SLCO3A1: variants seen among roughly 807,000 people sequenced by gnomAD.
The protein encoded by SLCO3A1 is solute carrier organic anion transporter family member 3A1.
Under a neutral mutation model 63.1 loss-of-function variants are expected in SLCO3A1, and 27 were observed. The ratio of observed to expected loss-of-function variants is 0.43; its 90% CI spans 0.32 to 0.59. The LOEUF is 0.59. Among genes scored for constraint, SLCO3A1 ranks in the 20% least tolerant of loss-of-function variants. SLCO3A1 has a pLI of 0.09. For missense variants in SLCO3A1, 773 were observed against 945.8 expected (o/e 0.82, Z 2.40); for synonymous variants, 473 against 409.9 (o/e 1.15, Z -1.86).
intron 2 of SLCO3A1, among the ~76,000 whole-genome samples, chr15:91,999,433 A>G (rs1326237743): frequency 1.3e-5 from 2 of 152,254 alleles, no homozygotes; most frequent in Non-Finnish European, 2.9e-5. Flanking sequence ...AAATGGGTAT[A>G]AAATAGGAAG....
chr15:92,080,845 G>C (rs1001660604), intron 2 of SLCO3A1, among the ~76,000 whole-genome samples: 1 of 152,096 alleles, frequency 6.6e-6, no homozygotes. Flanking sequence ...ATATCAAATT[G>C]TGTCCATATT....
chr15:91,896,744 T>C (rs888151175), intron 1 of SLCO3A1, among the ~76,000 whole-genome samples: 9 of 152,222 alleles, frequency 5.9e-5, no homozygotes, highest in Non-Finnish European at 1.3e-4. Context: ...GTCTCAGGTA[T>C]GTCTTTATTA....
intron 2 of SLCO3A1, among the ~76,000 whole-genome samples, chr15:91,921,047 G>A (rs1387490725): frequency 6.6e-6 from 1 of 152,216 alleles, no homozygotes; most frequent in East Asian, 1.9e-4. Flanking sequence ...GCTGCCCTAA[G>A]CAAACACCAC....
intron 1 of SLCO3A1, among the ~76,000 whole-genome samples, chr15:91,898,094 G>T (rs940818675): frequency 1.3e-5 from 2 of 152,168 alleles, no homozygotes; most frequent in African/African-American, 4.8e-5. Flanking sequence ...ATAGGGCTCT[G>T]TCATTTCTGG....
At chr15:91,919,634 G>T (rs1196556387) in intron 2 of SLCO3A1, among the ~76,000 whole-genome samples, 2 of 152,160 alleles carry the variant, frequency 1.3e-5, no homozygotes, top group Non-Finnish European at 2.9e-5. Flanking sequence ...TCTTCCATTA[G>T]CCCAGTTTTC....
At chr15:92,144,242 C>G (rs1376697837) in intron 7 of SLCO3A1, among the ~76,000 whole-genome samples, 3 of 152,174 alleles carry the variant, frequency 2.0e-5, no homozygotes, top group South Asian at 2.1e-4. Flanking sequence ...TTTAGAAACA[C>G]ATATACATGA....
In SLCO3A1 at chr15:91,995,733, G is replaced by GAAAAA. The variant is rs34688452; in HGVS notation, c.646+79290_646+79294dup. On this transcript the variant is annotated intron_variant, in intron 2 of 9. Transcript: ENST00000318445. ...TATACATACCTTGAAAGATTTTCTTGAAAAAAAAAAAAAAAAAAACTTGTA... is the reference window on the plus strand; with the variant it reads ...TATACATACCTTGAAAGATTTTCTTGAAAAAAAAAAAAAAAAAAAAAAAACTTGTA... Among the ~76,000 whole-genome samples the GAAAAA allele has an allele frequency of 4.3e-4, 34 of 79,762 alleles. 2 individuals carry two copies. The highest frequency in any genetic ancestry group is 6.5e-4 in the Non-Finnish European group (26 of 40,198). The allele number at this position is 79,762 out of a possible 152,430, so 52.3% of individuals were successfully genotyped here.
At chr15:92,023,978 T>C (rs909143293) in intron 2 of SLCO3A1, among the ~76,000 whole-genome samples, 16 of 152,216 alleles carry the variant, frequency 1.1e-4, no homozygotes, top group African/African-American at 3.1e-4. Context: ...TGGTGTCATA[T>C]CCAGAGCCAA....
At chr15:92,081,480 C>T (rs1449256911) in intron 2 of SLCO3A1, among the ~76,000 whole-genome samples, 1 of 152,102 alleles carries the variant, frequency 6.6e-6, no homozygotes, top group Non-Finnish European at 1.5e-5. Flanking sequence ...GGCAATTCTC[C>T]CTGCTTCAGC....
chr15:91,965,086 T>A (rs1900608870), intron 2 of SLCO3A1, among the ~76,000 whole-genome samples: 1 of 151,998 alleles, frequency 6.6e-6, no homozygotes, highest in African/African-American at 2.4e-5. Flanking sequence ...GAGAGGGGGC[T>A]GTGGGGATAC....
intron 2 of SLCO3A1, among the ~76,000 whole-genome samples, chr15:91,993,131 A>C (rs1044347010): frequency 3.3e-5 from 5 of 152,168 alleles, no homozygotes; most frequent in African/African-American, 1.2e-4. Flanking sequence ...TGATTGGGAG[A>C]AGAGGAAGCA....
chr15:92,143,428 A>ATATG lies in SLCO3A1; in HGVS notation c.1513-3554_1513-3553insTGTA. ...TATATAATATATATATTATATATAT[A>ATATG]TAATATATATAATATATATATAATA... On this transcript the variant is annotated intron_variant, in intron 7 of 9. Transcript: ENST00000318445. 4.1e-4 allele frequency among the ~76,000 whole-genome samples: 3 copies of ATATG among 7,368 alleles called. 1 individual carries two copies. The African/African-American group carries it at 5.2e-3, about 13-fold the overall frequency. The allele number at this position is 7,368 out of a possible 152,430, so 4.8% of individuals were successfully genotyped here. A position where few individuals can be genotyped will look rare whatever the true frequency, so the allele number is the denominator to read the frequency against.
chr15:91,900,303 G>A lies in SLCO3A1; in HGVS notation c.181-15690G>A, dbSNP rs1898119184. Among the ~76,000 whole-genome samples, 2 of 152,126 alleles carry A rather than the reference G, an allele frequency of 1.3e-5. No individual in the cohort carries two copies. The highest frequency in any genetic ancestry group is 4.1e-4 in the South Asian group (2 of 4,832). Reference sequence around the variant, plus strand: ...AGTGTTCCAGTTTCCTCAGATGGACGTGAATACTTTGTATTGTCTGTTCGT... The same window carrying A: ...AGTGTTCCAGTTTCCTCAGATGGACATGAATACTTTGTATTGTCTGTTCGT... On this transcript the variant is annotated intron_variant, in intron 1 of 9. Transcript: ENST00000318445. This position sits in a 1 kb window ranked among gnomAD's most constrained non-coding sequence, Gnocchi z 4.3.
intron 1 of SLCO3A1, among the ~76,000 whole-genome samples, chr15:91,884,521 A>G (rs988252036): frequency 6.6e-6 from 1 of 151,882 alleles, no homozygotes; most frequent in African/African-American, 2.4e-5. Context: ...CAAAAAAAAA[A>G]AAAAAAAAAG....
At chr15:91,907,192 C>T (rs576471078) in intron 1 of SLCO3A1, among the ~76,000 whole-genome samples, 1 of 152,032 alleles carries the variant, frequency 6.6e-6, no homozygotes, top group African/African-American at 2.4e-5. Flanking sequence ...AAGGACAGAC[C>T]AAGGAGGCCT....
intron 2 of SLCO3A1, among the ~76,000 whole-genome samples, chr15:92,093,911 C>T (rs895310901): frequency 3.3e-4 from 50 of 152,178 alleles, no homozygotes; most frequent in Non-Finnish European, 8.8e-5. Context: ...CCCGTGTGGC[C>T]TGTTAGCACC....
At chr15:91,992,543 G>T (rs1398005845) in intron 2 of SLCO3A1, among the ~76,000 whole-genome samples, 1 of 152,180 alleles carries the variant, frequency 6.6e-6, no homozygotes, top group Non-Finnish European at 1.5e-5. Flanking sequence ...AACCATGTTA[G>T]CATCTCCCCG....
At chr15:91,957,234 G>T (rs1269676016) in intron 2 of SLCO3A1, among the ~76,000 whole-genome samples, 1 of 131,316 alleles carries the variant, frequency 7.6e-6, no homozygotes, top group African/African-American at 3.0e-5. Flanking sequence ...CATATGATCC[G>T]CTGGCTAGGA....
At chr15:91,880,551 T>G (rs1011858812) in intron 1 of SLCO3A1, among the ~76,000 whole-genome samples, 3 of 152,164 alleles carry the variant, frequency 2.0e-5, no homozygotes, top group African/African-American at 7.2e-5. Context: ...AGCACTATTC[T>G]GTTCTCCATC....
Sources: allele counts gnomAD v4.1 joint callset (sites outside exome capture counted in the v4.1 genomes callset), GRCh38; gene constraint gnomAD v4.1.1; non-coding constraint Gnocchi (gnomAD v3.1); transcripts MANE v1.5; gene names NCBI Gene and HGNC (gene_info 2026-07-23, HGNC 2026-07-21).